SLIT1: variants seen among roughly 807,000 people sequenced by gnomAD.
SLIT1 encodes slit homolog 1 protein.
Under a neutral mutation model 186.1 loss-of-function variants are expected in SLIT1, and 66 were observed. That is an observed-to-expected ratio of 0.35 (90% CI 0.29 to 0.44). The LOEUF (loss-of-function observed/expected upper bound fraction) is 0.44. Ranked by LOEUF, SLIT1 falls within the 20% of genes least tolerant of loss-of-function variation. SLIT1 has a pLI of 1.00. For synonymous variants in SLIT1, 761 were observed against 833.8 expected (o/e 0.91, Z 1.50); for missense variants, 1,638 against 2,037.4 (o/e 0.80, Z 3.77).
At chr10:97,171,166 G>A (rs1427690970) in intron 1 of SLIT1, among the ~76,000 whole-genome samples, 1 of 152,204 alleles carries the variant, frequency 6.6e-6, no homozygotes, top group East Asian at 1.9e-4. Context: ...GGCCAAGGCT[G>A]CGGCGCTGAG....
chr10:97,065,397 G>A (rs1848935737), intron 5 of SLIT1: 3 of 154,206 alleles, frequency 1.9e-5, no homozygotes, highest in African/African-American at 7.2e-5. Flanking sequence ...TTGGGGGTGT[G>A]TGTGACAAGC....
At chr10:97,049,842 C>A (rs1341214416) in intron 13 of SLIT1, among the ~76,000 whole-genome samples, 1 of 152,250 alleles carries the variant, frequency 6.6e-6, no homozygotes, top group African/African-American at 2.4e-5. Flanking sequence ...CCTGTGTTGT[C>A]AGCAGGATAA....
In SLIT1 at chr10:97,002,206, C is replaced by A. The variant is rs756270790; in HGVS notation, c.4318G>T (p.Ala1440Ser). ...AAGCCGGGGTCACACACACAGTGTG[C>A]CCCCTTGGTGCCTGAGGCCTGGCAG... ...GHCQASGTKG[A>S]HCVCDPGFSG... Residue 1440 changes from alanine to serine, a missense_variant, in exon 36 of 37, where the codon GCA becomes TCA. Ala to Ser is a moderately conservative substitution (Grantham distance 99). Around this residue, in one of 3 missense-constraint regions of SLIT1, gnomAD observed 220 missense variants for 211.3 expected, o/e 1.04. Transcript: ENST00000266058. 2 of 1,575,238 alleles carry A rather than the reference C, an allele frequency of 1.3e-6. No individual in the cohort carries two copies. Among genetic ancestry groups the A allele is most frequent in the South Asian group, 2.3e-5 (2 of 87,592 alleles).
At chr10:97,086,569 C>G (rs1299246928) in intron 4 of SLIT1, among the ~76,000 whole-genome samples, 1 of 152,118 alleles carries the variant, frequency 6.6e-6, no homozygotes, top group African/African-American at 2.4e-5. Flanking sequence ...CAGAGCAAGA[C>G]TCCAACCCTC....
At chr10:97,063,174 A>G (rs542461190) in intron 8 of SLIT1, among the ~76,000 whole-genome samples, 1 of 152,176 alleles carries the variant, frequency 6.6e-6, no homozygotes, top group South Asian at 2.1e-4. Flanking sequence ...AGGAGGCAAG[A>G]AGTGACATGC....
At chr10:97,100,770 A>T (rs1201718412) in intron 4 of SLIT1, among the ~76,000 whole-genome samples, 4 of 152,250 alleles carry the variant, frequency 2.6e-5, no homozygotes, top group Non-Finnish European at 5.9e-5. Context: ...GTGATACAAT[A>T]CTGCTCCCCA....
At position 97,072,322 on chromosome 10, in the gene SLIT1, C is replaced by T. The variant is rs539421081; in HGVS notation, c.414-6236G>A. Among the ~76,000 whole-genome samples, 23 of 152,262 alleles carry T rather than the reference C, an allele frequency of 1.5e-4. 1 individual carries two copies. In the South Asian group the frequency reaches 4.1e-3, roughly 27 times the overall value. On this transcript the variant is annotated intron_variant, in intron 4 of 36. Transcript: ENST00000266058. ...TACAGGCGCATGCTACCATGCCTGG[C>T]TAATTTTTTAAAAAATATTTTTGTA...
At chr10:97,162,472 G>T (rs1850041724) in intron 3 of SLIT1, among the ~76,000 whole-genome samples, 1 of 152,132 alleles carries the variant, frequency 6.6e-6, no homozygotes, top group Non-Finnish European at 1.5e-5. Flanking sequence ...AATTAGCCAG[G>T]CGTGGTGGCA....
chr10:97,109,339 C>T (rs910362777), intron 4 of SLIT1, among the ~76,000 whole-genome samples: 1 of 152,184 alleles, frequency 6.6e-6, no homozygotes. Context: ...TGCCCGCACT[C>T]CTATCTGTAA....
chr10:97,004,907 A>G lies in SLIT1; in HGVS notation c.3580-84T>C. 2 of 1,511,372 alleles carry G rather than the reference A, an allele frequency of 1.3e-6. No homozygotes were observed. Among genetic ancestry groups the G allele is most frequent in the Non-Finnish European group, 1.8e-6 (2 of 1,094,672 alleles). 93.6% of individuals were successfully genotyped at this position (1,511,372 alleles called of 1,614,324 possible). A position where few individuals can be genotyped will look rare whatever the true frequency, so the allele number is the denominator to read the frequency against. ...GCAGATGGGGCAGAGAGGGCACCCAAGATTGGAAGAGAGATGCTCTGTGCA... is the reference window on the plus strand; with the variant it reads ...GCAGATGGGGCAGAGAGGGCACCCAGGATTGGAAGAGAGATGCTCTGTGCA... On this transcript the variant is annotated intron_variant, in intron 32 of 36. Coordinates refer to ENST00000266058, the MANE Select transcript of SLIT1 (RefSeq NM_003061.3). The surrounding 1 kb of genome is among the most constrained non-coding windows in gnomAD (Gnocchi z 5.1).
intron 1 of SLIT1, among the ~76,000 whole-genome samples, chr10:97,169,547 G>C: frequency 6.6e-6 from 1 of 152,230 alleles, no homozygotes; most frequent in Non-Finnish European, 1.5e-5. Context: ...CCCCCAGCAA[G>C]CTGCCAGGGG....
intron 25 of SLIT1, among the ~76,000 whole-genome samples, chr10:97,025,344 C>T (rs1197472475): frequency 1.3e-5 from 2 of 152,270 alleles, no homozygotes; most frequent in South Asian, 2.1e-4. Context: ...TACAAAGTCA[C>T]GTCTAAAGCT....
Position 97,004,546 on chromosome 10 carries a change from G to A in SLIT1, c.3710+147C>T. 5.2e-6 allele frequency: 5 copies of A among 970,058 alleles called. No individual in the cohort carries two copies. The highest frequency in any genetic ancestry group is 7.9e-6 in the Non-Finnish European group (5 of 636,628). The allele number at this position is 970,058 out of a possible 1,614,324, so 60.1% of individuals were successfully genotyped here. Reference sequence around the variant, plus strand: ...CTCAGAGACCTCAGCCCCAAGCTGGGGCTAACCCAGATGGTTCAAGTGTCC... The same window carrying A: ...CTCAGAGACCTCAGCCCCAAGCTGGAGCTAACCCAGATGGTTCAAGTGTCC... On this transcript the variant is annotated intron_variant, in intron 33 of 36. Coordinates refer to ENST00000266058, the MANE Select transcript of SLIT1 (RefSeq NM_003061.3). The surrounding 1 kb of genome is among the most constrained non-coding windows in gnomAD (Gnocchi z 5.1).
At position 97,039,989 on chromosome 10, in the gene SLIT1, G is replaced by C. The variant is rs773889577; in HGVS notation, c.2296C>G (p.Leu766Val). 1.9e-6 allele frequency: 3 copies of C among 1,613,778 alleles called. No homozygotes were observed. The South Asian group carries it at 3.3e-5, about 18-fold the overall frequency. Residue 766 changes from leucine to valine, a missense_variant and splice_region_variant, in exon 21 of 37, where the codon CTC (leucine) becomes GTC (valine). By Grantham distance (32) the Leu-to-Val change is conservative (BLOSUM62 1). Coordinates refer to ENST00000266058, the MANE Select transcript of SLIT1 (RefSeq NM_003061.3). ...PKGIPKNVTE[L>V]YLDGNQFTLV... ...GGGGCAAGGCCTTGAGCTACTCACA[G>C]TTCTGTGACATTCTTGGGAATGCCC...
intron 4 of SLIT1, among the ~76,000 whole-genome samples, chr10:97,109,885 A>G (rs2817696): frequency 0.67 from 102,405 of 152,016 alleles, 34,859 homozygotes; most frequent in South Asian, 0.83. Context: ...CTTCTCTTGC[A>G]AACCTCCATT....
chr10:97,041,840 A>C (rs1015315351), intron 20 of SLIT1, among the ~76,000 whole-genome samples: 2 of 150,972 alleles, frequency 1.3e-5, no homozygotes, highest in Non-Finnish European at 3.0e-5. Flanking sequence ...ATGAGGATGC[A>C]TTTCTTTTGT....
rs1437739749 is a variant in SLIT1, at chr10:97,063,542, T to C, written c.706A>G (p.Ile236Val). ...CCCGAGCACTGGGTGAAGAGCCCGA[T>C]GGTTGGCCGCTGCCTCAGCCACTGC... ...LSQWLRQRPTIGLFTQCSGPA... is the reference protein window; with the variant it reads ...LSQWLRQRPTVGLFTQCSGPA... Residue 236 changes from isoleucine (I) to valine (V), a missense_variant, in exon 8 of 37, where the codon ATC becomes GTC. Transcript: ENST00000266058. 10 of 1,613,190 alleles carry C rather than the reference T, an allele frequency of 6.2e-6. No individual in the cohort carries two copies. The highest frequency in any genetic ancestry group is 2.2e-5 in the East Asian group (1 of 44,880).
At chr10:97,124,221 T>C (rs1438596379) in intron 4 of SLIT1, among the ~76,000 whole-genome samples, 2 of 152,220 alleles carry the variant, frequency 1.3e-5, no homozygotes, top group Non-Finnish European at 2.9e-5. Flanking sequence ...AAGGTAGCTC[T>C]TGTCCCTGCA....
intron 4 of SLIT1, among the ~76,000 whole-genome samples, chr10:97,118,746 T>C (rs1849531735): frequency 6.6e-6 from 1 of 152,172 alleles, no homozygotes; most frequent in South Asian, 2.1e-4. Flanking sequence ...GCAAGTTACT[T>C]AACCTCTCTG....
Sources: gnomAD v4.1 joint callset for allele counts (sites outside exome capture counted in the v4.1 genomes callset) on GRCh38, gnomAD v4.1.1 for gene constraint, gnomAD v4.1.1 regional missense constraint, Gnocchi (gnomAD v3.1) non-coding constraint, MANE v1.5 for transcripts, NCBI Gene and HGNC (gene_info 2026-07-23, HGNC 2026-07-21) for gene names.